The following SOX5 variants were observed in gnomAD, a reference collection of about 807,000 sequenced individuals.
SOX5 encodes the protein SRY-box transcription factor 5, also known as transcription factor SOX-5.
In SOX5, 9 loss-of-function variants were observed where a neutral mutation model predicts 92.0. That is an observed-to-expected ratio of 0.10 (90% CI 0.06 to 0.17). The LOEUF is 0.17. Ranked by LOEUF, SOX5 falls within the 10% of genes least tolerant of loss-of-function variation. The pLI is 1.00. For synonymous variants in SOX5, 344 were observed against 336.3 expected, an observed-to-expected ratio of 1.02 and a Z score of -0.25; for missense variants, 642 against 944.5, an observed-to-expected ratio of 0.68 and a Z score of 4.20.
At chr12:23,704,878 TA>T (rs1392993672) in intron 6 of SOX5, among the ~76,000 whole-genome samples, 1 of 148,614 alleles carries the variant, frequency 6.7e-6, no homozygotes, top group Non-Finnish European at 1.5e-5. Context: ...GAAATTCTGT[TA>T]AATTTTTTTT....
upstream of SOX5, among the ~76,000 whole-genome samples, chr12:23,952,333 A>G (rs562107018): frequency 6.6e-6 from 1 of 152,326 alleles, no homozygotes; most frequent in East Asian, 1.9e-4. Context: ...CTGTCTTGCT[A>G]CAGCTACTAC....
rs188778293 is a variant in SOX5 at position 24,202,047 on chromosome 12, T to C, written c.-2+11296A>G. On this transcript the variant is annotated intron_variant, in intron 4 of 4. Transcript: ENST00000446891. ...TACTTGACATCTCTGCTCTCCTCCATTGGTGTGAATAATTACAAACAGTCT... is the reference window on the plus strand; with the variant it reads ...TACTTGACATCTCTGCTCTCCTCCACTGGTGTGAATAATTACAAACAGTCT... 1.1e-3 allele frequency among the ~76,000 whole-genome samples: 163 copies of C among 152,314 alleles called. 1 individual carries two copies. The highest frequency in any genetic ancestry group is 3.7e-3 in the African/African-American group (152 of 41,578).
intron 3 of SOX5, among the ~76,000 whole-genome samples, chr12:24,238,717 C>G (rs995085060): frequency 6.6e-6 from 1 of 152,108 alleles, no homozygotes; most frequent in Non-Finnish European, 1.5e-5. Context: ...ACTGCCTGGG[C>G]TCTCAATTTC....
intron 4 of SOX5, among the ~76,000 whole-genome samples, chr12:24,164,170 A>G (rs1953107916): frequency 6.6e-6 from 1 of 152,044 alleles, no homozygotes. Context: ...CAGATACACA[A>G]TAATACCGTT....
chr12:24,122,454 G>C (rs1342558904), intron 4 of SOX5, among the ~76,000 whole-genome samples: 2 of 152,072 alleles, frequency 1.3e-5, no homozygotes, highest in Non-Finnish European at 2.9e-5. Flanking sequence ...AGAAGGGGAC[G>C]GTTAGGATTC....
chr12:23,716,309 G>T lies in SOX5; in HGVS notation c.810+18375C>A, dbSNP rs1468659566. Among the ~76,000 whole-genome samples the T allele has an allele frequency of 2.6e-5, 4 of 152,106 alleles. No homozygotes were observed. In the East Asian group the frequency reaches 5.8e-4, roughly 22 times the overall value. ...AGGAAAAGAAAAAAAGAGAACTTTGGCATAGTTAATGATTTTGTCAGAAAA... is the reference window on the plus strand; with the variant it reads ...AGGAAAAGAAAAAAAGAGAACTTTGTCATAGTTAATGATTTTGTCAGAAAA... On this transcript the variant is annotated intron_variant, in intron 6 of 14. Coordinates refer to ENST00000451604, the MANE Select transcript of SOX5 (RefSeq NM_006940.6).
intron 8 of SOX5, chr12:23,637,999 GCA>G (rs1412655094): frequency 1.3e-5 from 2 of 152,250 alleles, no homozygotes; most frequent in East Asian, 3.9e-4. Flanking sequence ...CCATGGAGCA[GCA>G]CAGAGGGTGA....
chr12:24,192,601 T>C (rs921853039), intron 4 of SOX5, among the ~76,000 whole-genome samples: 6 of 152,232 alleles, frequency 3.9e-5, no homozygotes, highest in African/African-American at 1.2e-4. Flanking sequence ...TACCAAAATA[T>C]TGCTTTTCAA....
chr12:24,289,697 C>T (rs1026916898), intron 2 of SOX5, among the ~76,000 whole-genome samples: 4 of 150,412 alleles, frequency 2.7e-5, no homozygotes, highest in East Asian at 1.9e-4. Flanking sequence ...CCTCGTGATC[C>T]GCCCGCCTCG....
At chr12:23,665,677 G>A in intron 6 of SOX5, 113 bp from the exon 7 acceptor site, 2 of 1,250,470 alleles carry the variant, frequency 1.6e-6, no homozygotes, top group Admixed American at 2.4e-5. Context: ...CAAAAGACTG[G>A]CATAGAAGCT....
At chr12:24,142,231 G>A (rs1433640900) in intron 4 of SOX5, among the ~76,000 whole-genome samples, 3 of 152,144 alleles carry the variant, frequency 2.0e-5, no homozygotes, top group African/African-American at 7.2e-5. Context: ...TTGGGGGTAA[G>A]CAGCACTCCC....
At chr12:24,319,101 T>G (rs1406765609) in intron 2 of SOX5, among the ~76,000 whole-genome samples, 3 of 152,218 alleles carry the variant, frequency 2.0e-5, no homozygotes, top group Non-Finnish European at 4.4e-5. Context: ...TCTTCTTCTG[T>G]GCTGGGATCA....
intron 4 of SOX5, among the ~76,000 whole-genome samples, chr12:24,190,781 T>C (rs561726508): frequency 7.9e-4 from 120 of 152,310 alleles, no homozygotes; most frequent in African/African-American, 2.8e-3. Flanking sequence ...CAATTTAAGA[T>C]GCATCCCAAT....
At chr12:24,066,704 CA>C (rs1363678568) in intron 4 of SOX5, among the ~76,000 whole-genome samples, 2 of 152,062 alleles carry the variant, frequency 1.3e-5, no homozygotes, top group African/African-American at 2.4e-5. Flanking sequence ...TAAAATGTAG[CA>C]GTGGTTAAAA....
At chr12:24,407,636 G>C (rs1370569439) in intron 1 of SOX5, 1 of 152,206 alleles carries the variant, frequency 6.6e-6, no homozygotes, top group Non-Finnish European at 1.5e-5. Context: ...TTGACTGTCT[G>C]AAGTCTTAGC....
At chr12:24,460,710 T>C (rs1035352875) in intron 1 of SOX5, 3 of 152,220 alleles carry the variant, frequency 2.0e-5, no homozygotes, top group South Asian at 2.1e-4. Flanking sequence ...CCCTCGGAGA[T>C]GCATTTCCCC....
intron 2 of SOX5, among the ~76,000 whole-genome samples, chr12:24,311,664 C>T (rs577143039): frequency 6.6e-6 from 1 of 152,260 alleles, no homozygotes; most frequent in African/African-American, 2.4e-5. Context: ...GGTCAAGCTG[C>T]TAGTAGAAAT....
chr12:24,232,765 CTGTCCGGCCTATGTAG>C (rs1381920954), intron 3 of SOX5, among the ~76,000 whole-genome samples: 1 of 152,184 alleles, frequency 6.6e-6, no homozygotes, highest in African/African-American at 2.4e-5. Flanking sequence ...TGTTGGTATT[CTGTCCGGCCTATGTAG>C]TGTTCACATT....
At chr12:23,989,281 A>T (rs1950340833) in intron 4 of SOX5, among the ~76,000 whole-genome samples, 1 of 150,580 alleles carries the variant, frequency 6.6e-6, no homozygotes, top group Non-Finnish European at 1.5e-5. Flanking sequence ...GGTCCCTGCC[A>T]CTCGGGGGGC....
Sources: gnomAD v4.1 joint callset for allele counts (sites outside exome capture counted in the v4.1 genomes callset) on GRCh38, gnomAD v4.1.1 for gene constraint, MANE v1.5 for transcripts, NCBI Gene and HGNC (gene_info 2026-07-23, HGNC 2026-07-21) for gene names.